Variants in ADCYAP1R1 observed in about 807,000 individuals in gnomAD.
ADCYAP1R1 encodes pituitary adenylate cyclase-activating polypeptide type I receptor.
ADCYAP1R1 carries 44 observed loss-of-function variants against 67.6 expected under a neutral mutation model. That is an observed-to-expected ratio of 0.65 (90% CI 0.51 to 0.84). ADCYAP1R1 has a LOEUF of 0.84. Ranked by LOEUF, ADCYAP1R1 falls within the 40% of genes least tolerant of loss-of-function variation. The pLI is 0.00. For synonymous variants in ADCYAP1R1, 222 were observed against 219.6 expected, an observed-to-expected ratio of 1.01 and a Z score of -0.10; for missense variants, 477 against 587.9, an observed-to-expected ratio of 0.81 and a Z score of 1.95.
chr7:31,082,232 G>A (rs1795546978), intron 6 of ADCYAP1R1, among the ~76,000 whole-genome samples: 2 of 152,196 alleles, frequency 1.3e-5, no homozygotes, highest in African/African-American at 2.4e-5. Flanking sequence ...TTCGGGAAAC[G>A]CTGCCCAAAA....
At chr7:31,092,956 A>AAGAG (rs149079033) in intron 13 of ADCYAP1R1, among the ~76,000 whole-genome samples, 32 of 149,142 alleles carry the variant, frequency 2.1e-4, no homozygotes, top group Admixed American at 1.3e-3. Context: ...GATGGGCAGG[A>AAGAG]AGAGAGAGAG....
intron 3 of ADCYAP1R1, among the ~76,000 whole-genome samples, chr7:31,075,078 G>C (rs983617350): frequency 2.6e-5 from 4 of 152,120 alleles, no homozygotes; most frequent in Non-Finnish European, 5.9e-5. Flanking sequence ...CCTGCTCCAG[G>C]CCCCTCCTCT....
In ADCYAP1R1 at chr7:31,080,598, TTCTC is replaced by T. The variant is rs750328023; in HGVS notation, c.266-11_266-8del. 3 of 1,612,830 alleles carry T rather than the reference TTCTC, an allele frequency of 1.9e-6. No homozygotes were observed. The highest frequency in any genetic ancestry group is 2.5e-6 in the Non-Finnish European group (3 of 1,179,882). ...ACCTCTGACTTTTCTCTCTCTCTCT[TTCTC>T]TCTGTTTCAGTCTGGGAGACCGAAA... On this transcript the variant is annotated splice_polypyrimidine_tract_variant and intron_variant, in intron 4 of 15. Coordinates refer to ENST00000304166, the MANE Select transcript of ADCYAP1R1 (RefSeq NM_001118.5).
intron 13 of ADCYAP1R1, among the ~76,000 whole-genome samples, chr7:31,098,347 C>T (rs577486210): frequency 3.4e-4 from 52 of 152,306 alleles, no homozygotes; most frequent in African/African-American, 1.2e-3. Context: ...GTGAAACAGA[C>T]TTTTGACATT....
intron 3 of ADCYAP1R1, among the ~76,000 whole-genome samples, chr7:31,077,692 T>C (rs551743516): frequency 6.8e-6 from 1 of 147,600 alleles, no homozygotes; most frequent in South Asian, 2.2e-4. Flanking sequence ...GTGTGGTGTG[T>C]GTGGTGTGTG....
intron 1 of ADCYAP1R1, among the ~76,000 whole-genome samples, chr7:31,057,848 G>A (rs889756456): frequency 1.3e-5 from 2 of 152,182 alleles, no homozygotes; most frequent in African/African-American, 4.8e-5. Flanking sequence ...CAGGGTAGGC[G>A]AGTGATGTAC....
intron 3 of ADCYAP1R1, among the ~76,000 whole-genome samples, chr7:31,065,637 A>T (rs1794705157): frequency 6.6e-6 from 1 of 152,176 alleles, no homozygotes; most frequent in Non-Finnish European, 1.5e-5. Flanking sequence ...CCCCTCTCCT[A>T]ACTCTCCATT....
At position 31,086,051 on chromosome 7, in the gene ADCYAP1R1, C is replaced by T. The variant is rs544899083; in HGVS notation, c.670-333C>T. Among the ~76,000 whole-genome samples the T allele has an allele frequency of 6.6e-6, 1 of 152,296 alleles. No individual in the cohort carries two copies. Among genetic ancestry groups the T allele is most frequent in the East Asian group, 1.9e-4 (1 of 5,176 alleles). On this transcript the variant is annotated intron_variant, in intron 9 of 15. Coordinates refer to ENST00000304166, the MANE Select transcript of ADCYAP1R1 (RefSeq NM_001118.5). This position sits in a 1 kb window ranked among gnomAD's most constrained non-coding sequence, Gnocchi z 5.0. ...AATCCTCATTATACCAAGGAGCCTCCTGCAGGGTCCTCTGGCTGCTTCTCT... is the reference window on the plus strand; with the variant it reads ...AATCCTCATTATACCAAGGAGCCTCTTGCAGGGTCCTCTGGCTGCTTCTCT...
rs549877377 is a variant in ADCYAP1R1, at chr7:31,078,229, G to A, written c.265+131G>A. On this transcript the variant is annotated intron_variant, in intron 4 of 15. Coordinates refer to ENST00000304166, the MANE Select transcript of ADCYAP1R1 (RefSeq NM_001118.5). Reference sequence around the variant, plus strand: ...CCCTGCTCCTGAGCTCACATGTGGTGTGGGGGATGAAACCACAGACACTTG... The same window carrying A: ...CCCTGCTCCTGAGCTCACATGTGGTATGGGGGATGAAACCACAGACACTTG... 14 of 650,328 alleles carry A rather than the reference G, an allele frequency of 2.2e-5. No individual in the cohort carries two copies. The East Asian group carries it at 3.4e-4, about 16-fold the overall frequency. 40.3% of individuals were successfully genotyped at this position (650,328 alleles called of 1,614,324 possible).
At chr7:31,060,781 G>T (rs920458127) in intron 1 of ADCYAP1R1, among the ~76,000 whole-genome samples, 3 of 152,132 alleles carry the variant, frequency 2.0e-5, no homozygotes, top group African/African-American at 7.2e-5. Context: ...CTGTCTATTT[G>T]CTGCCACCGG....
At chr7:31,068,296 C>A (rs911139173) in intron 3 of ADCYAP1R1, among the ~76,000 whole-genome samples, 2 of 152,196 alleles carry the variant, frequency 1.3e-5, no homozygotes, top group Non-Finnish European at 2.9e-5. Flanking sequence ...TTTACCCCCA[C>A]TTAACAGATG....
intron 4 of ADCYAP1R1, among the ~76,000 whole-genome samples, chr7:31,079,683 C>A (rs1402885198): frequency 6.6e-6 from 1 of 152,134 alleles, no homozygotes; most frequent in Non-Finnish European, 1.5e-5. Context: ...GGTCCCAGGT[C>A]CCCCCGTCTC....
chr7:31,075,802 G>A (rs116216600), intron 3 of ADCYAP1R1, among the ~76,000 whole-genome samples: 3,108 of 152,278 alleles, frequency 0.02, 133 homozygotes, highest in African/African-American at 0.071. Context: ...TGTGGGGTTT[G>A]TGTACCTGTG....
intron 1 of ADCYAP1R1, among the ~76,000 whole-genome samples, chr7:31,053,307 G>A (rs560236726): frequency 6.6e-6 from 1 of 152,352 alleles, no homozygotes; most frequent in Admixed American, 6.5e-5. Context: ...GGGATGCCAG[G>A]GCTTCAGTGG....
rs147250427 is a variant in ADCYAP1R1 at position 31,093,702 on chromosome 7, A to G, written c.1046+967A>G. Among the ~76,000 whole-genome samples the G allele has an allele frequency of 2.0e-3, 303 of 152,236 alleles. 2 individuals carry two copies. The highest frequency in any genetic ancestry group is 6.3e-3 in the African/African-American group (260 of 41,542). ...CTATGTGTGGCTTCTCCGCTCCTTC[A>G]GAAGAAAGCAGATGAGGAGGAGCTG... On this transcript the variant is annotated intron_variant, in intron 13 of 15. Transcript: ENST00000304166.
At chr7:31,063,832 G>A (rs550502203) in intron 2 of ADCYAP1R1, among the ~76,000 whole-genome samples, 2 of 152,284 alleles carry the variant, frequency 1.3e-5, no homozygotes, top group South Asian at 4.1e-4. Context: ...CCTGCCTCTG[G>A]CCTGACTCAC....
At chr7:31,079,559 G>T (rs1269155991) in intron 4 of ADCYAP1R1, among the ~76,000 whole-genome samples, 1 of 152,240 alleles carries the variant, frequency 6.6e-6, no homozygotes, top group Admixed American at 6.5e-5. Context: ...TCTCTGAGAG[G>T]CAAAAGGCAA....
chr7:31,100,140 A>G, intron 13 of ADCYAP1R1: 1 of 1,550,566 alleles, frequency 6.4e-7, no homozygotes, highest in South Asian at 1.2e-5. Context: ...CTGCGTGCAG[A>G]AATGCTACTG....
intron 3 of ADCYAP1R1, among the ~76,000 whole-genome samples, chr7:31,077,388 T>C (rs1795285433): frequency 6.7e-6 from 1 of 149,778 alleles, no homozygotes; most frequent in African/African-American, 2.5e-5. Flanking sequence ...GTGAGTGGTG[T>C]GTATGTGATG....
Sources: gnomAD v4.1 joint callset for allele counts (sites outside exome capture counted in the v4.1 genomes callset) on GRCh38, gnomAD v4.1.1 for gene constraint, Gnocchi (gnomAD v3.1) non-coding constraint, MANE v1.5 for transcripts, NCBI Gene and HGNC (gene_info 2026-07-23, HGNC 2026-07-21) for gene names.